The following CDH13 variants were observed in gnomAD, a reference collection of about 807,000 sequenced individuals.
CDH13 encodes the protein cadherin-13.
A neutral mutation model predicts 63.8 loss-of-function variants in CDH13; 24 were observed. The ratio of observed to expected loss-of-function variants is 0.38; its 90% CI spans 0.27 to 0.53. CDH13 has a LOEUF of 0.53. Among genes scored for constraint, CDH13 ranks in the 20% least tolerant of loss-of-function variants. The probability of loss-of-function intolerance (pLI) is 0.85; values close to 1 mark genes in which losing one functional copy is unlikely to be tolerated. For synonymous variants in CDH13, 503 were observed against 355.3 expected, an observed-to-expected ratio of 1.42 and a Z score of -4.67; for missense variants, 1,049 against 903.1, an observed-to-expected ratio of 1.16 and a Z score of -2.07.
At chr16:82,713,817 C>CAA (rs777356585) in intron 1 of CDH13, among the ~76,000 whole-genome samples, 48 of 140,402 alleles carry the variant, frequency 3.4e-4, no homozygotes, top group African/African-American at 1.2e-3. Flanking sequence ...AAAAAAAAAA[C>CAA]AAACAAAAAA....
chr16:83,337,147 G>C (rs568563958), intron 5 of CDH13, among the ~76,000 whole-genome samples: 1 of 152,202 alleles, frequency 6.6e-6, no homozygotes, highest in Non-Finnish European at 1.5e-5. Flanking sequence ...ATTCCTATTA[G>C]TGTGGTGAAT....
Position 83,511,445 on chromosome 16 carries a change from G to A in CDH13, c.960+24790G>A, listed in dbSNP as rs111644137. Among the ~76,000 whole-genome samples, 1,190 of 150,936 alleles carry A rather than the reference G, an allele frequency of 7.9e-3. 8 individuals are homozygous for A. The highest frequency in any genetic ancestry group is 0.027 in the African/African-American group (1,102 of 40,870). On this transcript the variant is annotated intron_variant, in intron 7 of 13. Coordinates refer to ENST00000567109, the MANE Select transcript of CDH13 (RefSeq NM_001257.5). ...CCACTGCACAGCAGCCTGGGGGACAGAGTGAGATTCCATCTCAAAAAAAAA... is the reference window on the plus strand; with the variant it reads ...CCACTGCACAGCAGCCTGGGGGACAAAGTGAGATTCCATCTCAAAAAAAAA...
At chr16:83,520,278 T>C (rs1315571976) in intron 7 of CDH13, among the ~76,000 whole-genome samples, 3 of 152,310 alleles carry the variant, frequency 2.0e-5, no homozygotes, top group Admixed American at 6.5e-5. Context: ...AAAAAGTACA[T>C]TTTGTATGAT....
At chr16:83,505,897 C>G (rs748066499) in intron 7 of CDH13, among the ~76,000 whole-genome samples, 6 of 152,202 alleles carry the variant, frequency 3.9e-5, no homozygotes, top group Non-Finnish European at 4.4e-5. Context: ...GCCAACATTG[C>G]AAACGCATCA....
chr16:83,305,547 A>T (rs1397530945), intron 5 of CDH13, among the ~76,000 whole-genome samples: 1 of 152,180 alleles, frequency 6.6e-6, no homozygotes, highest in East Asian at 1.9e-4. Flanking sequence ...TCATAAGAAA[A>T]GTCTAGAAGT....
intron 1 of CDH13, among the ~76,000 whole-genome samples, chr16:82,686,280 C>G (rs149114795): frequency 4.1e-4 from 62 of 152,300 alleles, no homozygotes; most frequent in African/African-American, 1.3e-3. Context: ...CAGGAAGTCA[C>G]CTTAGCAGTG....
chr16:83,093,501 G>A (rs1597322643), intron 3 of CDH13, among the ~76,000 whole-genome samples: 1 of 151,666 alleles, frequency 6.6e-6, no homozygotes, highest in East Asian at 1.9e-4. Flanking sequence ...TGTATTTTTA[G>A]TAGAGATGGG....
intron 4 of CDH13, among the ~76,000 whole-genome samples, chr16:83,132,840 C>G (rs1004983725): frequency 2.0e-5 from 3 of 152,168 alleles, no homozygotes; most frequent in East Asian, 1.9e-4. Flanking sequence ...AGGCTCAGTG[C>G]TCAAAAATTC....
In CDH13 at chr16:83,052,885, G is replaced by A. The variant is rs8047739; in HGVS notation, c.366+20667G>A. ...TAATAAAAAAGCTATTTTATAAAGC[G>A]GTGATTGGGAAAGTAAAATAGGTTG... On this transcript the variant is annotated intron_variant, in intron 3 of 13. Transcript: ENST00000567109. 9.6e-3 allele frequency among the ~76,000 whole-genome samples: 1,463 copies of A among 152,034 alleles called. 30 individuals carry two copies. The highest frequency in any genetic ancestry group is 0.034 in the African/African-American group (1,396 of 41,470).
chr16:83,169,071 A>G (rs1395215197), intron 4 of CDH13, among the ~76,000 whole-genome samples: 1 of 152,182 alleles, frequency 6.6e-6, no homozygotes, highest in East Asian at 1.9e-4. Context: ...TTTGACAATT[A>G]AAACATAATT....
intron 1 of CDH13, among the ~76,000 whole-genome samples, chr16:82,694,483 A>C (rs929060123): frequency 1.3e-5 from 2 of 152,160 alleles, no homozygotes; most frequent in African/African-American, 2.4e-5. Context: ...CAGGCATGAG[A>C]AGGAGGCTGT....
intron 3 of CDH13, among the ~76,000 whole-genome samples, chr16:83,055,480 C>G (rs536183844): frequency 1.3e-5 from 2 of 151,568 alleles, no homozygotes; most frequent in South Asian, 4.2e-4. Flanking sequence ...ATTGTTAATA[C>G]ATTTATAAAA....
intron 4 of CDH13, among the ~76,000 whole-genome samples, chr16:83,165,269 A>C (rs971632711): frequency 6.6e-6 from 1 of 152,038 alleles, no homozygotes; most frequent in Admixed American, 6.6e-5. Flanking sequence ...TCCACAATAC[A>C]AAAAGGATTC....
At chr16:83,160,016 C>T (rs552472936) in intron 4 of CDH13, among the ~76,000 whole-genome samples, 3 of 152,078 alleles carry the variant, frequency 2.0e-5, no homozygotes, top group South Asian at 4.2e-4. Flanking sequence ...GCAGAGGTTG[C>T]AGTGAGCCGA....
intron 2 of CDH13, among the ~76,000 whole-genome samples, chr16:82,912,675 G>A (rs2041867841): frequency 6.6e-6 from 1 of 152,244 alleles, no homozygotes; most frequent in Non-Finnish European, 1.5e-5. Flanking sequence ...CGGGCGCGGT[G>A]GCTCACGCCT....
chr16:83,189,730 G>A (rs1356254740), intron 4 of CDH13, among the ~76,000 whole-genome samples: 1 of 152,124 alleles, frequency 6.6e-6, no homozygotes, highest in South Asian at 2.1e-4. Context: ...AATATTAAAG[G>A]CAAGAGGAAT....
Position 83,296,958 on chromosome 16 carries a change from A to G in CDH13, c.637-47904A>G, listed in dbSNP as rs1316878048. Among the ~76,000 whole-genome samples the G allele has an allele frequency of 2.0e-5, 3 of 152,190 alleles. No individual in the cohort carries two copies. In the South Asian group the frequency reaches 6.2e-4, roughly 32 times the overall value. ...TGGAAAGAATGCAGAGCCATTGGGGACTTTCTAAATAGAGGAATGATGAGA... is the reference window on the plus strand; with the variant it reads ...TGGAAAGAATGCAGAGCCATTGGGGGCTTTCTAAATAGAGGAATGATGAGA... On this transcript the variant is annotated intron_variant, in intron 5 of 13. Coordinates refer to ENST00000567109, the MANE Select transcript of CDH13 (RefSeq NM_001257.5).
At chr16:82,986,226 A>C (rs1253468965) in intron 2 of CDH13, among the ~76,000 whole-genome samples, 1 of 152,114 alleles carries the variant, frequency 6.6e-6, no homozygotes, top group Non-Finnish European at 1.5e-5. Flanking sequence ...GATGCTGTGA[A>C]TTTTCATATT....
At chr16:83,341,347 T>C (rs1302477924) in intron 5 of CDH13, among the ~76,000 whole-genome samples, 1 of 152,212 alleles carries the variant, frequency 6.6e-6, no homozygotes, top group African/African-American at 2.4e-5. Context: ...TTCAGAAAGT[T>C]TGGCATTTGC....
Sources: allele counts gnomAD v4.1 joint callset (sites outside exome capture counted in the v4.1 genomes callset), GRCh38; gene constraint gnomAD v4.1.1; transcripts MANE v1.5; gene names NCBI Gene and HGNC (gene_info 2026-07-23, HGNC 2026-07-21).